Variants in ZNF644 observed in about 807,000 individuals in gnomAD.
ZNF644 encodes the protein zinc finger protein 644.
ZNF644 carries 20 observed loss-of-function variants against 108.0 expected under a neutral mutation model. The observed-to-expected ratio is 0.19, with a 90% CI of 0.13 to 0.27. The LOEUF is 0.27. Among genes scored for constraint, ZNF644 ranks in the 10% least tolerant of loss-of-function variants. The pLI, the probability that ZNF644 is intolerant of heterozygous loss-of-function variation, is 1.00. For synonymous variants in ZNF644, 542 were observed against 539.1 expected (o/e 1.01, Z -0.08); for missense variants, 1,338 against 1,548.9 (o/e 0.86, Z 2.29).
intron 2 of ZNF644, among the ~76,000 whole-genome samples, chr1:90,978,262 GA>G (rs1218724629): frequency 6.6e-6 from 1 of 151,610 alleles, no homozygotes; most frequent in African/African-American, 2.4e-5. Flanking sequence ...TGAGGCAGGA[GA>G]AACGCATGAA....
Position 90,939,419 on chromosome 1 carries a change from T to C in ZNF644, c.1935A>G (p.Lys645=). Residue 645 remains lysine (K), a synonymous_variant, in exon 3 of 6, where the codon AAA becomes AAG. Transcript: ENST00000337393. The stretch of plus-strand genomic sequence containing the variant: ...TCTTTGGAAATGTGGTTGACTGTTG[T>C]TTAGTTAATGTTTTAGTGCTATCAC... The part of the protein sequence containing the change: ...VDSDSTKTLT[K]QQSTTFPKNS... 1 of 1,613,960 alleles carries C rather than the reference T, an allele frequency of 6.2e-7. No individual in the cohort carries two copies. The highest frequency in any genetic ancestry group is 8.5e-7 in the Non-Finnish European group (1 of 1,179,924).
intron 1 of ZNF644, among the ~76,000 whole-genome samples, chr1:90,996,736 A>G (rs1484986608): frequency 6.6e-6 from 1 of 152,206 alleles, no homozygotes; most frequent in Admixed American, 6.5e-5. Flanking sequence ...AGCTATGACC[A>G]TGCCACTGCA....
chr1:90,935,348 T>C, intron 4 of ZNF644: 2 of 985,156 alleles, frequency 2.0e-6, no homozygotes, highest in Non-Finnish European at 2.4e-6. Flanking sequence ...ACCAGTCTGG[T>C]GGGGAAAAAA....
chr1:90,945,356 A>G (rs1404770320), intron 2 of ZNF644, among the ~76,000 whole-genome samples: 1 of 152,112 alleles, frequency 6.6e-6, no homozygotes, highest in Non-Finnish European at 1.5e-5. Context: ...AGAACTTTAA[A>G]TCTACATAAA....
chr1:90,955,114 T>C (rs1200362812), intron 2 of ZNF644, among the ~76,000 whole-genome samples: 1 of 152,202 alleles, frequency 6.6e-6, no homozygotes, highest in African/African-American at 2.4e-5. Flanking sequence ...ACCAGGTGCA[T>C]TGTCAATGAG....
In ZNF644 at chr1:90,996,388, G is replaced by A. The variant is rs149181724; in HGVS notation, c.-17-14018C>T. 1.8e-3 allele frequency among the ~76,000 whole-genome samples: 279 copies of A among 152,324 alleles called. 1 individual carries two copies. Among genetic ancestry groups the A allele is most frequent in the African/African-American group, 6.3e-3 (263 of 41,578 alleles). Reference sequence around the variant, plus strand: ...CTAGCCAAAGGCTTGGAGCAATCTAGGAAGAGTGATAGATGGCTGAATCTT... The same window carrying A: ...CTAGCCAAAGGCTTGGAGCAATCTAAGAAGAGTGATAGATGGCTGAATCTT... On this transcript the variant is annotated intron_variant, in intron 1 of 5. Transcript: ENST00000337393.
In ZNF644 at chr1:90,937,530, G is replaced by C. The variant is rs1651455481; in HGVS notation, c.3643C>G (p.Pro1215Ala). 1 of 1,613,840 alleles carries C rather than the reference G, an allele frequency of 6.2e-7. No homozygotes were observed. The highest frequency in any genetic ancestry group is 1.3e-5 in the African/African-American group (1 of 75,040). Residue 1215 changes from proline (P) to alanine (A), a missense_variant, in exon 4 of 6, where the codon CCG (proline) becomes GCG (alanine). Around this residue, in one of 6 missense-constraint regions of ZNF644, gnomAD observed 287 missense variants for 310.9 expected, o/e 0.92. Transcript: ENST00000337393. ...ATTTTTTGTGGCTGATACATCAACG[G>C]ACTATCCTCATTTAATGGAAGAACG... ...KCVLPLNEDS[P>A]LMYQPQKMDL...
At chr1:90,934,267 C>G (rs1216430091) in intron 4 of ZNF644, among the ~76,000 whole-genome samples, 2 of 152,010 alleles carry the variant, frequency 1.3e-5, no homozygotes, top group Non-Finnish European at 2.9e-5. Flanking sequence ...TGCAAAGAAG[C>G]AGAAGAAAGA....
intron 2 of ZNF644, among the ~76,000 whole-genome samples, chr1:90,965,940 G>A (rs371642996): frequency 2.0e-5 from 3 of 152,122 alleles, no homozygotes; most frequent in African/African-American, 4.8e-5. Flanking sequence ...TAGTAGAGAC[G>A]GGGTTTCATC....
At chr1:90,964,173 A>G (rs1336174377) in intron 2 of ZNF644, among the ~76,000 whole-genome samples, 1 of 152,130 alleles carries the variant, frequency 6.6e-6, no homozygotes, top group Admixed American at 6.5e-5. Context: ...GACATCATTC[A>G]ATATATTTAA....
Position 90,940,766 on chromosome 1 carries a change from G to C in ZNF644, c.588C>G (p.Thr196=). The C allele has an allele frequency of 1.2e-6, 2 of 1,613,944 alleles. No homozygotes were observed. Among genetic ancestry groups the C allele is most frequent in the Non-Finnish European group, 1.7e-6 (2 of 1,179,968 alleles). Residue 196 remains threonine (T), a synonymous_variant, in exon 3 of 6, where the codon ACC becomes ACG. Transcript: ENST00000337393. ...NPTHSNKKLP[T]SASVGCDIQN... ...GAATGTCACAACCAACTGAAGCAGA[G>C]GTAGGTAGTTTTTTATTGGAATGGG...
chr1:90,978,006 C>A (rs185468889), intron 2 of ZNF644, among the ~76,000 whole-genome samples: 83 of 152,214 alleles, frequency 5.5e-4, no homozygotes, highest in African/African-American at 1.9e-3. Flanking sequence ...CATTGCTGTA[C>A]TATTTGCTCA....
intron 1 of ZNF644, among the ~76,000 whole-genome samples, chr1:91,019,185 C>G (rs528930390): frequency 6.6e-6 from 1 of 152,286 alleles, no homozygotes; most frequent in East Asian, 1.9e-4. Context: ...AATTTCCTAA[C>G]AGACCTTAGA....
At chr1:90,925,596 C>T (rs1196302380) in intron 4 of ZNF644, among the ~76,000 whole-genome samples, 10 of 147,088 alleles carry the variant, frequency 6.8e-5, no homozygotes, top group Admixed American at 6.1e-4. Context: ...GATTCCCAAA[C>T]ATATATTAAA....
intron 1 of ZNF644, among the ~76,000 whole-genome samples, chr1:90,999,742 C>T (rs1658562686): frequency 6.6e-6 from 1 of 152,112 alleles, no homozygotes; most frequent in East Asian, 1.9e-4. Flanking sequence ...CACAGACTGG[C>T]AAATTGGATA....
intron 4 of ZNF644, among the ~76,000 whole-genome samples, chr1:90,929,155 G>A (rs948279567): frequency 6.6e-6 from 1 of 151,960 alleles, no homozygotes; most frequent in Non-Finnish European, 1.5e-5. Flanking sequence ...CTAATTCAAT[G>A]AGACAAACAG....
intron 1 of ZNF644, among the ~76,000 whole-genome samples, chr1:91,009,131 G>A (rs1298764259): frequency 6.6e-6 from 1 of 152,018 alleles, no homozygotes; most frequent in Non-Finnish European, 1.5e-5. Context: ...AATACCTGTT[G>A]GAAAGGAGCG....
At chr1:90,957,153 T>A (rs368355238) in intron 2 of ZNF644, among the ~76,000 whole-genome samples, 2 of 152,160 alleles carry the variant, frequency 1.3e-5, no homozygotes, top group African/African-American at 4.8e-5. Context: ...AATGAACTAA[T>A]AATCAAAAAC....
rs191892498 is a variant in ZNF644, at chr1:91,011,372, G to T, written c.-18+10618C>A. 1.4e-3 allele frequency among the ~76,000 whole-genome samples: 215 copies of T among 152,100 alleles called. 1 individual carries two copies. Among genetic ancestry groups the T allele is most frequent in the African/African-American group, 4.9e-3 (204 of 41,498 alleles). ...AAAGTCTTTTCATACCCATTTCTGCGCAATTTACATATTCATTCTTCAAAA... is the reference window on the plus strand; with the variant it reads ...AAAGTCTTTTCATACCCATTTCTGCTCAATTTACATATTCATTCTTCAAAA... On this transcript the variant is annotated intron_variant, in intron 1 of 5. Transcript: ENST00000337393.
Sources: allele counts gnomAD v4.1 joint callset (sites outside exome capture counted in the v4.1 genomes callset), GRCh38; gene constraint gnomAD v4.1.1; regional missense constraint gnomAD v4.1.1; transcripts MANE v1.5; gene names NCBI Gene and HGNC (gene_info 2026-07-23, HGNC 2026-07-21).